GRIN2B: variants seen among roughly 807,000 people sequenced by gnomAD.
GRIN2B encodes glutamate receptor ionotropic, NMDA 2B.
A neutral mutation model predicts 114.5 loss-of-function variants in GRIN2B; 5 were observed. That is an observed-to-expected ratio of 0.04 (90% CI 0.02 to 0.09). GRIN2B has a LOEUF of 0.09. Among genes scored for constraint, GRIN2B ranks in the 10% least tolerant of loss-of-function variants. The probability of loss-of-function intolerance (pLI) is 1.00; values close to 1 mark genes in which losing one functional copy is unlikely to be tolerated. For synonymous variants in GRIN2B, 787 were observed against 745.1 expected, an observed-to-expected ratio of 1.06 and a Z score of -0.92; for missense variants, 1,108 against 1,943.5, an observed-to-expected ratio of 0.57 and a Z score of 8.08.
chr12:13,947,284 A>G (rs1196931935), intron 2 of GRIN2B, among the ~76,000 whole-genome samples: 2 of 152,280 alleles, frequency 1.3e-5, no homozygotes, highest in African/African-American at 4.8e-5. Context: ...CTCACTGTCT[A>G]CAACACCATT....
chr12:13,612,736 C>T (rs1246396482), intron 8 of GRIN2B, among the ~76,000 whole-genome samples: 1 of 152,162 alleles, frequency 6.6e-6, no homozygotes, highest in Admixed American at 6.5e-5. Flanking sequence ...AAACTAGATA[C>T]TATATTCCAG....
intron 5 of GRIN2B, among the ~76,000 whole-genome samples, chr12:13,674,466 T>A (rs1002727623): frequency 6.6e-6 from 1 of 152,122 alleles, no homozygotes; most frequent in African/African-American, 2.4e-5. Context: ...ACTTGAAGAA[T>A]TAGATCCTGG....
rs192410249 is a variant in GRIN2B at position 13,611,921 on chromosome 12, T to G, written c.1655-71A>C. ...AAAGAATTCGAATTAATTCACATAT[T>G]CATTTCATATTTTAGGGGGTGGGGA... On this transcript the variant is annotated intron_variant, in intron 8 of 13. Coordinates refer to ENST00000609686, the MANE Select transcript of GRIN2B (RefSeq NM_000834.5). 5,766 of 1,505,318 alleles carry G rather than the reference T, an allele frequency of 3.8e-3. 15 individuals carry two copies. Among genetic ancestry groups the G allele is most frequent in the Non-Finnish European group, 4.9e-3 (5,279 of 1,081,290 alleles). 93.2% of individuals were successfully genotyped at this position (1,505,318 alleles called of 1,614,324 possible).
chr12:13,849,036 A>G (rs1865514881), intron 3 of GRIN2B, among the ~76,000 whole-genome samples: 1 of 152,186 alleles, frequency 6.6e-6, no homozygotes, highest in African/African-American at 2.4e-5. Context: ...CATGACCCCA[A>G]ATAGTACTTT....
At chr12:13,573,953 A>C (rs2136418431) in intron 10 of GRIN2B, among the ~76,000 whole-genome samples, 1 of 152,346 alleles carries the variant, frequency 6.6e-6, no homozygotes, top group Admixed American at 6.5e-5. Flanking sequence ...GACTCATCAC[A>C]GGGCTTTTTG....
intron 3 of GRIN2B, among the ~76,000 whole-genome samples, chr12:13,852,889 C>T (rs1362094596): frequency 6.6e-6 from 1 of 152,114 alleles, no homozygotes; most frequent in Admixed American, 6.5e-5. Context: ...AAAAACAGCA[C>T]CCTGCCAATA....
chr12:13,578,827 T>C (rs1247840865), intron 10 of GRIN2B, among the ~76,000 whole-genome samples: 2 of 152,124 alleles, frequency 1.3e-5, no homozygotes, highest in East Asian at 3.9e-4. Context: ...AAGGCCTCTC[T>C]GAGAAGGTGG....
intron 3 of GRIN2B, among the ~76,000 whole-genome samples, chr12:13,767,626 T>A (rs180830536): frequency 2.3e-4 from 35 of 152,272 alleles, no homozygotes; most frequent in Non-Finnish European, 3.7e-4. Flanking sequence ...TAAGGCACAA[T>A]GTTTTTGTCT....
chr12:13,893,831 A>T (rs1866309054), intron 2 of GRIN2B, among the ~76,000 whole-genome samples: 1 of 152,104 alleles, frequency 6.6e-6, no homozygotes, highest in East Asian at 1.9e-4. Flanking sequence ...TTTTTTAAAA[A>T]AAAGAAGGGG....
chr12:13,795,399 G>A (rs74334618), intron 3 of GRIN2B, among the ~76,000 whole-genome samples: 139 of 150,924 alleles, frequency 9.2e-4, no homozygotes, highest in African/African-American at 3.3e-3. Flanking sequence ...TTTTACAATT[G>A]GAAGAACTGA....
chr12:13,588,460 T>G (rs1488514951), intron 10 of GRIN2B, among the ~76,000 whole-genome samples: 1 of 152,038 alleles, frequency 6.6e-6, no homozygotes, highest in Non-Finnish European at 1.5e-5. Flanking sequence ...GGCATCAAAT[T>G]GGATTGGATG....
At chr12:13,960,974 G>A (rs1167177523) in intron 2 of GRIN2B, among the ~76,000 whole-genome samples, 1 of 152,188 alleles carries the variant, frequency 6.6e-6, no homozygotes, top group African/African-American at 2.4e-5. Flanking sequence ...CTATGGAGGA[G>A]AGAATGCTCA....
At chr12:13,905,419 T>C (rs1866521205) in intron 2 of GRIN2B, among the ~76,000 whole-genome samples, 1 of 152,234 alleles carries the variant, frequency 6.6e-6, no homozygotes, top group Admixed American at 6.5e-5. Context: ...AAAATACTTT[T>C]TGCGCTTTCC....
At chr12:13,791,001 C>G (rs1179842616) in intron 3 of GRIN2B, among the ~76,000 whole-genome samples, 1 of 152,112 alleles carries the variant, frequency 6.6e-6, no homozygotes, top group Non-Finnish European at 1.5e-5. Context: ...ACACAGGGGT[C>G]ACAGCCTGTG....
intron 4 of GRIN2B, among the ~76,000 whole-genome samples, chr12:13,739,908 T>G (rs1332593534): frequency 6.6e-6 from 1 of 152,178 alleles, no homozygotes. Context: ...TGGTTCCTAT[T>G]TTTAAACTTA....
intron 2 of GRIN2B, among the ~76,000 whole-genome samples, chr12:13,867,843 G>A (rs997369147): frequency 6.6e-6 from 1 of 150,530 alleles, no homozygotes; most frequent in African/African-American, 2.4e-5. Context: ...TACAAAGAGA[G>A]AGAGCATACA....
intron 2 of GRIN2B, among the ~76,000 whole-genome samples, chr12:13,896,605 A>T (rs997708321): frequency 6.6e-6 from 1 of 152,186 alleles, no homozygotes; most frequent in African/African-American, 2.4e-5. Flanking sequence ...ACAAAACTCC[A>T]TTCCATTTTT....
At chr12:13,925,871 G>A (rs976403090) in intron 2 of GRIN2B, among the ~76,000 whole-genome samples, 2 of 152,110 alleles carry the variant, frequency 1.3e-5, no homozygotes, top group Non-Finnish European at 2.9e-5. Flanking sequence ...AGAGTGACGG[G>A]CTTTTACATT....
At position 13,826,022 on chromosome 12, in the gene GRIN2B, T is replaced by C. The variant is rs145892874; in HGVS notation, c.411+39776A>G. ...TTTTCTTTTTTATCTAGTCTTTGTT[T>C]CTTCTTTTTTTTTCTTGCCTTTTCT... On this transcript the variant is annotated intron_variant, in intron 3 of 13. Coordinates refer to ENST00000609686, the MANE Select transcript of GRIN2B (RefSeq NM_000834.5). Among the ~76,000 whole-genome samples the C allele has an allele frequency of 4.9e-3, 739 of 152,164 alleles. 2 individuals are homozygous for C. Among genetic ancestry groups the C allele is most frequent in the Non-Finnish European group, 7.2e-3 (487 of 67,970 alleles).
Sources: allele counts gnomAD v4.1 joint callset (sites outside exome capture counted in the v4.1 genomes callset), GRCh38; gene constraint gnomAD v4.1.1; transcripts MANE v1.5; gene names NCBI Gene and HGNC (gene_info 2026-07-23, HGNC 2026-07-21).